The following HPGD variants were observed in gnomAD, a reference collection of about 807,000 sequenced individuals.
HPGD encodes the protein 15-hydroxyprostaglandin dehydrogenase, also known as 15-hydroxyprostaglandin dehydrogenase [NAD(+)].
In HPGD, 29 loss-of-function variants were observed where a neutral mutation model predicts 30.0. The observed-to-expected ratio is 0.97, with a 90% CI of 0.72 to 1.32. HPGD has a LOEUF of 1.32. HPGD is among the 40% of genes most tolerant of loss of function. The probability of loss-of-function intolerance (pLI) is 0.00; values close to 1 mark genes in which losing one functional copy is unlikely to be tolerated. For missense variants in HPGD, 340 were observed against 322.1 expected, an observed-to-expected ratio of 1.06 and a Z score of -0.43; for synonymous variants, 99 against 112.4, an observed-to-expected ratio of 0.88 and a Z score of 0.75.
chr4:174,520,118 G>A (rs1404885257), intron 2 of HPGD, among the ~76,000 whole-genome samples: 1 of 152,004 alleles, frequency 6.6e-6, no homozygotes, highest in Middle Eastern at 3.2e-3. Flanking sequence ...GAAAATGAGG[G>A]TGTTAAATAT....
chr4:174,522,876 A>G, upstream of HPGD: 1 of 162,136 alleles, frequency 6.2e-6, no homozygotes, highest in East Asian at 1.7e-4. Flanking sequence ...CGACTCCGGA[A>G]CAAAACAAGC....
intron 3 of HPGD, among the ~76,000 whole-genome samples, chr4:174,511,047 G>A (rs764305205): frequency 4.6e-5 from 7 of 152,122 alleles, no homozygotes; most frequent in Admixed American, 1.3e-4. Context: ...TTATTTAAGC[G>A]TAACAGTCCT....
chr4:174,515,808 C>T (rs186223224), intron 3 of HPGD, among the ~76,000 whole-genome samples: 3 of 151,734 alleles, frequency 2.0e-5, no homozygotes, highest in Admixed American at 2.0e-4. Flanking sequence ...AAAAAAAGGG[C>T]AAAGGACATA....
chr4:174,498,267 T>TG (rs1462714688), intron 4 of HPGD, among the ~76,000 whole-genome samples: 1 of 152,140 alleles, frequency 6.6e-6, no homozygotes, highest in Non-Finnish European at 1.5e-5. Context: ...TAGTATTAGA[T>TG]GAAAACCTAC....
intron 4 of HPGD, chr4:174,506,910 A>G (rs1466368599): frequency 1.3e-5 from 2 of 152,226 alleles, no homozygotes; most frequent in Non-Finnish European, 2.9e-5. Flanking sequence ...CTCCTTGTAG[A>G]ATATTCATGG....
chr4:174,515,890 C>T (rs1258304923), intron 3 of HPGD, among the ~76,000 whole-genome samples: 1 of 152,054 alleles, frequency 6.6e-6, no homozygotes, highest in Non-Finnish European at 1.5e-5. Context: ...TGCTCAATAT[C>T]ACTAATCATC....
chr4:174,519,919 G>A (rs921389830), intron 2 of HPGD, among the ~76,000 whole-genome samples: 6 of 152,022 alleles, frequency 3.9e-5, no homozygotes, highest in African/African-American at 9.7e-5. Flanking sequence ...CGCCCGCCTC[G>A]GCCTCCCAAA....
chr4:174,515,815 C>T (rs1735740045), intron 3 of HPGD, among the ~76,000 whole-genome samples: 1 of 151,726 alleles, frequency 6.6e-6, no homozygotes, highest in African/African-American at 2.4e-5. Context: ...GGGCAAAGGA[C>T]ATAAAGAGAC....
chr4:174,517,176 A>C (rs1195268867), intron 3 of HPGD, among the ~76,000 whole-genome samples: 1 of 152,222 alleles, frequency 6.6e-6, no homozygotes, highest in Admixed American at 6.5e-5. Flanking sequence ...GGGTATTTAT[A>C]GAATGAGGTA....
chr4:174,522,326 A>C, intron 1 of HPGD, 33 bp downstream of exon 1: 1 of 1,526,420 alleles, frequency 6.6e-7, no homozygotes, highest in Non-Finnish European at 8.9e-7. Context: ...GTGTGTGGGC[A>C]GAGAAATTTC....
At position 174,517,993 on chromosome 4, in the gene HPGD, T is replaced by C. The variant is rs781656843; in HGVS notation, c.302A>G (p.Glu101Gly). ...CACCAAATTAATTTGCAGAGTTTTT[T>C]CCCAGTTTTTCTCATTATTCACTCC... is the stretch of plus-strand genomic sequence containing the variant. Reference protein sequence around the residue: ...NAGVNNEKNWEKTLQINLVSV... With the variant: ...NAGVNNEKNWGKTLQINLVSV... Residue 101 changes from glutamate to glycine, a missense_variant, in exon 3 of 7, where the codon GAA (glutamate) becomes GGA (glycine). Transcript: ENST00000296522. The C allele has an allele frequency of 1.3e-6, 2 of 1,584,476 alleles. No individual in the cohort carries two copies. The highest frequency in any genetic ancestry group is 2.2e-5 in the South Asian group (2 of 90,374).
chr4:174,516,214 T>G (rs2084661461), intron 3 of HPGD, among the ~76,000 whole-genome samples: 1 of 151,964 alleles, frequency 6.6e-6, no homozygotes, highest in African/African-American at 2.4e-5. Context: ...GCAACACTAT[T>G]CACAATAGCA....
At position 174,495,571 on chromosome 4, in the gene HPGD, C is replaced by T; in HGVS notation, c.475G>A (p.Val159Ile). The change falls in exon 5 of 7, where the codon GTT (valine) becomes ATT (isoleucine). Residue 159 changes from valine (V) to isoleucine (I), a missense_variant. Transcript: ENST00000296522. ...PVYCASKHGIVGFTRSAALAA... is the reference protein window; with the variant it reads ...PVYCASKHGIIGFTRSAALAA... ...ACCGCTGCTGAGCGTGTGAATCCAA[C>T]TATGCCATGCTTTGAAGCACAATAA... The T allele has an allele frequency of 1.9e-6, 3 of 1,613,766 alleles. No individual in the cohort carries two copies. Among genetic ancestry groups the T allele is most frequent in the Non-Finnish European group, 2.5e-6 (3 of 1,179,694 alleles).
intron 3 of HPGD, among the ~76,000 whole-genome samples, chr4:174,511,634 C>T (rs1327256672): frequency 6.6e-6 from 1 of 152,076 alleles, no homozygotes; most frequent in Non-Finnish European, 1.5e-5. Context: ...CTTTCCTGAA[C>T]ATTTCTTTTT....
rs45602937 is a variant in HPGD, at chr4:174,522,083, G to A, written c.94-16C>T. The A allele has an allele frequency of 1.6e-3, 2,517 of 1,614,180 alleles. 46 individuals carry two copies. In the African/African-American group the frequency reaches 0.03, roughly 19 times the overall value. ...CCAGCGCTACCTATAGACAAGAGGA[G>A]AGGAATCGCGGGCCTGCGCAGCTCA... On this transcript the variant is annotated splice_polypyrimidine_tract_variant and intron_variant, in intron 1 of 6. Coordinates refer to ENST00000296522, the MANE Select transcript of HPGD (RefSeq NM_000860.6).
chr4:174,492,147 C>T lies in HPGD; in HGVS notation c.663-53G>A, dbSNP rs925395469. ...AACGAAAGAATGAGGCATATTACCA[C>T]TTCATTTTAAGTTATTTTCTGAAGA... On this transcript the variant is annotated intron_variant, in intron 6 of 6. Transcript: ENST00000296522. This position sits in a 1 kb window ranked among gnomAD's most constrained non-coding sequence, Gnocchi z 4.9. 7.9e-6 allele frequency: 12 copies of T among 1,514,774 alleles called. No homozygotes were observed. The African/African-American group carries it at 1.6e-4, about 21-fold the overall frequency. 93.8% of individuals were successfully genotyped at this position (1,514,774 alleles called of 1,614,324 possible).
intron 4 of HPGD, among the ~76,000 whole-genome samples, chr4:174,502,471 G>C (rs1227062679): frequency 2.6e-5 from 4 of 152,072 alleles, no homozygotes; most frequent in Non-Finnish European, 5.9e-5. Flanking sequence ...GAGGTCAGGA[G>C]ATGGTGACCA....
At chr4:174,513,728 A>G (rs958141650) in intron 3 of HPGD, among the ~76,000 whole-genome samples, 1 of 152,030 alleles carries the variant, frequency 6.6e-6, no homozygotes, top group Admixed American at 6.5e-5. Context: ...AAAATAAAGT[A>G]ATGGAAAAAG....
rs756361040 is a variant in HPGD, at chr4:174,492,039, C to A, written c.718G>T (p.Gly240Cys). The change falls in exon 7 of 7, where the codon GGT becomes TGT. Residue 240 changes from glycine to cysteine, a missense_variant. Coordinates refer to ENST00000296522, the MANE Select transcript of HPGD (RefSeq NM_000860.6). This position sits in a 1 kb window ranked among gnomAD's most constrained non-coding sequence, Gnocchi z 4.9. ...GAAGTTGTGATCTTCATAATAGCAC[C>A]ATTTAAAGCATCATCTTCAATGAGT... is the stretch of plus-strand genomic sequence containing the variant. ...ITLIEDDALN[G>C]AIMKITTSKG... is the part of the protein sequence containing the mutation. 3 of 1,608,644 alleles carry A rather than the reference C, an allele frequency of 1.9e-6. No individual in the cohort carries two copies. The highest frequency in any genetic ancestry group is 2.6e-6 in the Non-Finnish European group (3 of 1,175,562).
Sources: allele counts gnomAD v4.1 joint callset (sites outside exome capture counted in the v4.1 genomes callset), GRCh38; gene constraint gnomAD v4.1.1; non-coding constraint Gnocchi (gnomAD v3.1); transcripts MANE v1.5; gene names NCBI Gene and HGNC (gene_info 2026-07-23, HGNC 2026-07-21).